ZNF385B: variants seen among roughly 807,000 people sequenced by gnomAD.
ZNF385B encodes the protein zinc finger protein 533.
Under a neutral mutation model 39.2 loss-of-function variants are expected in ZNF385B, and 23 were observed. That is an observed-to-expected ratio of 0.59 (90% CI 0.42 to 0.83). ZNF385B has a LOEUF of 0.83. Ranked by LOEUF, ZNF385B falls within the 40% of genes least tolerant of loss-of-function variation. ZNF385B has a pLI of 0.00. For synonymous variants in ZNF385B, 205 were observed against 222.6 expected (o/e 0.92, Z 0.70); for missense variants, 552 against 598.9 (o/e 0.92, Z 0.82).
chr2:179,536,754 T>A (rs182037184), intron 4 of ZNF385B, among the ~76,000 whole-genome samples: 61 of 152,286 alleles, frequency 4.0e-4, no homozygotes, highest in African/African-American at 1.3e-3. Flanking sequence ...CATGTAGACA[T>A]GCAGTAAATG....
At chr2:179,696,785 C>A (rs752462903) in intron 3 of ZNF385B, among the ~76,000 whole-genome samples, 1 of 152,138 alleles carries the variant, frequency 6.6e-6, no homozygotes, top group Non-Finnish European at 1.5e-5. Flanking sequence ...TACCTGAAAT[C>A]CAACAGAACT....
chr2:179,527,397 C>T (rs1267138410), intron 4 of ZNF385B, among the ~76,000 whole-genome samples: 3 of 151,906 alleles, frequency 2.0e-5, no homozygotes, highest in Non-Finnish European at 4.4e-5. Flanking sequence ...TTGAAAAGCT[C>T]TGGGATTCAC....
intron 1 of ZNF385B, among the ~76,000 whole-genome samples, chr2:179,853,373 C>A (rs1237515077): frequency 6.6e-6 from 1 of 152,202 alleles, no homozygotes; most frequent in African/African-American, 2.4e-5. Context: ...AAAGCATATT[C>A]ATTCACAAGA....
chr2:179,836,125 T>A (rs1708234218), intron 1 of ZNF385B, among the ~76,000 whole-genome samples: 1 of 152,220 alleles, frequency 6.6e-6, no homozygotes, highest in Admixed American at 6.5e-5. Context: ...TATTGCATGA[T>A]TCCACTTACG....
intron 6 of ZNF385B, among the ~76,000 whole-genome samples, chr2:179,477,637 A>G (rs1281136467): frequency 6.6e-6 from 1 of 152,192 alleles, no homozygotes; most frequent in Non-Finnish European, 1.5e-5. Context: ...GCCTTCTAAC[A>G]TGCTGCAATG....
intron 6 of ZNF385B, among the ~76,000 whole-genome samples, chr2:179,464,396 C>T (rs370518519): frequency 1.8e-4 from 27 of 152,158 alleles, no homozygotes; most frequent in East Asian, 9.6e-4. Context: ...CCATTGCTTT[C>T]GGTGTTTTAG....
chr2:179,738,257 C>T (rs1461683694), intron 3 of ZNF385B, among the ~76,000 whole-genome samples: 1 of 152,134 alleles, frequency 6.6e-6, no homozygotes, highest in East Asian at 1.9e-4. Flanking sequence ...AAATATAATT[C>T]GAATGTTACA....
At chr2:179,626,129 T>G (rs752298603) in intron 3 of ZNF385B, among the ~76,000 whole-genome samples, 1 of 152,172 alleles carries the variant, frequency 6.6e-6, no homozygotes, top group Non-Finnish European at 1.5e-5. Flanking sequence ...TAGACATGCA[T>G]GCACACCTGA....
intron 3 of ZNF385B, among the ~76,000 whole-genome samples, chr2:179,609,126 T>C (rs1214943532): frequency 1.3e-5 from 2 of 152,060 alleles, no homozygotes; most frequent in African/African-American, 4.8e-5. Context: ...TAAACTGTAA[T>C]CATTCGGTTG....
chr2:179,604,216 A>C (rs983719389), intron 3 of ZNF385B, among the ~76,000 whole-genome samples: 1 of 152,174 alleles, frequency 6.6e-6, no homozygotes, highest in Non-Finnish European at 1.5e-5. Flanking sequence ...GGGAGAAATC[A>C]AAGCAAGGTT....
intron 3 of ZNF385B, among the ~76,000 whole-genome samples, chr2:179,593,951 C>A (rs1687784293): frequency 6.6e-6 from 1 of 152,154 alleles, no homozygotes; most frequent in African/African-American, 2.4e-5. Context: ...CTCCCAATTA[C>A]AATTTTCATT....
intron 1 of ZNF385B, among the ~76,000 whole-genome samples, chr2:179,834,512 C>T (rs1353486350): frequency 1.3e-5 from 2 of 152,054 alleles, no homozygotes; most frequent in South Asian, 2.1e-4. Flanking sequence ...ATTACTGAGT[C>T]CATACTGATA....
intron 3 of ZNF385B, among the ~76,000 whole-genome samples, chr2:179,684,160 G>T (rs886909975): frequency 6.6e-6 from 1 of 152,118 alleles, no homozygotes; most frequent in African/African-American, 2.4e-5. Flanking sequence ...AGGAGCCTCC[G>T]TTAGCATATC....
chr2:179,769,900 G>T (rs879184741), intron 2 of ZNF385B, 98 bp from the exon 3 acceptor site: 1 of 1,213,832 alleles, frequency 8.2e-7, no homozygotes, highest in Admixed American at 2.7e-5. Context: ...TAAGCTAAAA[G>T]TTGCCCAGCT....
intron 3 of ZNF385B, among the ~76,000 whole-genome samples, chr2:179,694,551 C>T (rs1698576310): frequency 6.6e-6 from 1 of 152,054 alleles, no homozygotes; most frequent in African/African-American, 2.4e-5. Context: ...CACACTGTTT[C>T]AACAGCAAAA....
intron 3 of ZNF385B, among the ~76,000 whole-genome samples, chr2:179,553,254 T>C (rs2060696346): frequency 6.7e-6 from 1 of 149,040 alleles, no homozygotes; most frequent in Non-Finnish European, 1.5e-5. Flanking sequence ...GTGTAGTATC[T>C]GATACTTAAA....
chr2:179,797,283 C>T (rs188132776), intron 1 of ZNF385B, among the ~76,000 whole-genome samples: 19 of 152,182 alleles, frequency 1.2e-4, no homozygotes, highest in Admixed American at 7.9e-4. Flanking sequence ...CTCCCTGCCA[C>T]GTCTCCTCTC....
intron 3 of ZNF385B, among the ~76,000 whole-genome samples, chr2:179,666,762 T>C (rs17770666): frequency 0.16 from 24,529 of 152,192 alleles, 2,024 homozygotes; most frequent in South Asian, 0.19. Flanking sequence ...CTTGCTCTCA[T>C]GGAACTTATG....
chr2:179,825,008 ATGT>A (rs1228815980), intron 1 of ZNF385B, among the ~76,000 whole-genome samples: 29 of 152,228 alleles, frequency 1.9e-4, no homozygotes, highest in Non-Finnish European at 7.3e-5. Flanking sequence ...TCAATTTATC[ATGT>A]TGTAAGAAAC....
Sources: gnomAD v4.1 joint callset for allele counts (sites outside exome capture counted in the v4.1 genomes callset) on GRCh38, gnomAD v4.1.1 for gene constraint, MANE v1.5 for transcripts, NCBI Gene and HGNC (gene_info 2026-07-23, HGNC 2026-07-21) for gene names.